SLC16A10: variants seen among roughly 807,000 people sequenced by gnomAD.
The protein encoded by SLC16A10 is solute carrier family 16 member 10.
SLC16A10 carries 27 observed loss-of-function variants against 40.0 expected under a neutral mutation model. The ratio of observed to expected loss-of-function variants is 0.67; its 90% confidence interval spans 0.50 to 0.93. SLC16A10 has a LOEUF of 0.93. Ranked by LOEUF, SLC16A10 falls within the 40% of genes least tolerant of loss-of-function variation. SLC16A10 has a pLI of 0.00. For synonymous variants in SLC16A10, 213 were observed against 249.8 expected, an observed-to-expected ratio of 0.85 and a Z score of 1.39; for missense variants, 529 against 658.2, an observed-to-expected ratio of 0.80 and a Z score of 2.15.
chr6:111,155,243 C>A (rs911983216), intron 1 of SLC16A10, among the ~76,000 whole-genome samples: 1 of 151,444 alleles, frequency 6.6e-6, no homozygotes, highest in African/African-American at 2.4e-5. Context: ...GCCCTGTCAC[C>A]CAGGTTGGAG....
intron 1 of SLC16A10, among the ~76,000 whole-genome samples, chr6:111,095,370 G>A (rs1771055221): frequency 6.6e-6 from 1 of 152,194 alleles, no homozygotes; most frequent in Non-Finnish European, 1.5e-5. Flanking sequence ...CAATTGTTAT[G>A]TATTTGATGC....
At chr6:111,216,761 T>C (rs1020080211) in intron 4 of SLC16A10, among the ~76,000 whole-genome samples, 4 of 152,042 alleles carry the variant, frequency 2.6e-5, no homozygotes, top group African/African-American at 9.7e-5. Context: ...CATAAGACCA[T>C]AGTTTAGTGA....
chr6:111,095,102 C>T (rs1479929197), intron 1 of SLC16A10, among the ~76,000 whole-genome samples: 1 of 152,258 alleles, frequency 6.6e-6, no homozygotes, highest in African/African-American at 2.4e-5. Context: ...AAACTCCCTA[C>T]TCCGAAGGCC....
intron 1 of SLC16A10, among the ~76,000 whole-genome samples, chr6:111,099,639 T>A (rs534420016): frequency 6.6e-6 from 1 of 152,248 alleles, no homozygotes; most frequent in South Asian, 2.1e-4. Flanking sequence ...AATCTAAAAA[T>A]CCTATTTTGT....
At chr6:111,195,947 A>G (rs1457072490) in intron 3 of SLC16A10, among the ~76,000 whole-genome samples, 1 of 152,170 alleles carries the variant, frequency 6.6e-6, no homozygotes, top group Non-Finnish European at 1.5e-5. Flanking sequence ...CTCTACATCC[A>G]AGGTTCCACA....
chr6:111,216,680 G>A (rs1192065567), intron 4 of SLC16A10, among the ~76,000 whole-genome samples: 1 of 151,436 alleles, frequency 6.6e-6, no homozygotes, highest in African/African-American at 2.4e-5. Context: ...CTCCCAAACT[G>A]CTGGGATTAC....
intron 1 of SLC16A10, among the ~76,000 whole-genome samples, chr6:111,098,540 T>C (rs1356544889): frequency 6.6e-6 from 1 of 152,222 alleles, no homozygotes; most frequent in East Asian, 1.9e-4. Context: ...AATTTTGAGA[T>C]GTGTTTTAAT....
intron 1 of SLC16A10, among the ~76,000 whole-genome samples, chr6:111,112,454 C>T (rs1771407372): frequency 6.6e-6 from 1 of 152,226 alleles, no homozygotes; most frequent in Non-Finnish European, 1.5e-5. Flanking sequence ...CTTTCCTAGT[C>T]ATGGAAAGTC....
intron 1 of SLC16A10, among the ~76,000 whole-genome samples, chr6:111,151,860 C>T (rs1448371998): frequency 2.0e-5 from 3 of 152,202 alleles, no homozygotes; most frequent in Non-Finnish European, 2.9e-5. Flanking sequence ...GGGTGTTACC[C>T]TGAGGAAACA....
At chr6:111,208,233 C>A (rs1311130570) in intron 4 of SLC16A10, among the ~76,000 whole-genome samples, 1 of 152,144 alleles carries the variant, frequency 6.6e-6, no homozygotes, top group Non-Finnish European at 1.5e-5. Context: ...CCCATTTCAG[C>A]CTCCCAAAGT....
chr6:111,158,190 T>C (rs572313176), intron 1 of SLC16A10, among the ~76,000 whole-genome samples: 2 of 152,290 alleles, frequency 1.3e-5, no homozygotes, highest in Non-Finnish European at 2.9e-5. Context: ...AAGTGAACTT[T>C]ATAATGAAAA....
chr6:111,092,315 GTTTTTTTTTT>G (rs1173275647), intron 1 of SLC16A10, among the ~76,000 whole-genome samples: 1 of 98,594 alleles, frequency 1.0e-5, no homozygotes, highest in African/African-American at 4.1e-5. Flanking sequence ...TTTTTTTGTT[GTTTTTTTTTT>G]TTTTTTTTTT....
At chr6:111,169,972 A>T (rs2065084) in intron 1 of SLC16A10, among the ~76,000 whole-genome samples, 15,413 of 142,340 alleles carry the variant, frequency 0.11, 909 homozygotes, top group Non-Finnish European at 0.14. Flanking sequence ...GTTGGAGTAC[A>T]GTAGGATGAC....
chr6:111,160,434 G>T (rs530733609), intron 1 of SLC16A10, among the ~76,000 whole-genome samples: 3 of 152,250 alleles, frequency 2.0e-5, no homozygotes, highest in Admixed American at 2.0e-4. Flanking sequence ...TAGAGACAGG[G>T]TTTCACCATG....
At chr6:111,116,499 T>C (rs1037882834) in intron 1 of SLC16A10, among the ~76,000 whole-genome samples, 2 of 152,190 alleles carry the variant, frequency 1.3e-5, no homozygotes, top group Non-Finnish European at 2.9e-5. Context: ...ATTACAGGCA[T>C]GAGACACTGC....
intron 1 of SLC16A10, among the ~76,000 whole-genome samples, chr6:111,137,832 C>T (rs541582446): frequency 6.6e-6 from 1 of 152,318 alleles, no homozygotes; most frequent in East Asian, 1.9e-4. Context: ...CCTTTAAACA[C>T]GGGGCTTGCA....
At chr6:111,101,836 G>T (rs1198397791) in intron 1 of SLC16A10, among the ~76,000 whole-genome samples, 1 of 152,202 alleles carries the variant, frequency 6.6e-6, no homozygotes, top group Non-Finnish European at 1.5e-5. Flanking sequence ...GGCCAGGCTG[G>T]TCTCAAACTC....
intron 4 of SLC16A10, among the ~76,000 whole-genome samples, chr6:111,207,716 G>A (rs1773278622): frequency 6.6e-6 from 1 of 151,810 alleles, no homozygotes; most frequent in African/African-American, 2.4e-5. Flanking sequence ...GGGAGACAGA[G>A]AAGCATGCTC....
intron 2 of SLC16A10, among the ~76,000 whole-genome samples, 182 bp downstream of exon 2, chr6:111,173,021 T>C (rs1772615632): frequency 1.3e-5 from 2 of 152,220 alleles, no homozygotes; most frequent in African/African-American, 4.8e-5. Flanking sequence ...AGAATTTGAA[T>C]GCTTTTTTTT....
Sources: allele counts gnomAD v4.1 joint callset (sites outside exome capture counted in the v4.1 genomes callset), GRCh38; gene constraint gnomAD v4.1.1; transcripts MANE v1.5; gene names NCBI Gene and HGNC (gene_info 2026-07-23, HGNC 2026-07-21).